The following SEC16A variants were observed in gnomAD, a reference collection of about 807,000 sequenced individuals.
The protein encoded by SEC16A is protein transport protein Sec16A.
Under a neutral mutation model 221.9 loss-of-function variants are expected in SEC16A, and 110 were observed. That is an observed-to-expected ratio of 0.50 (90% CI 0.42 to 0.58). The LOEUF (loss-of-function observed/expected upper bound fraction) is 0.58. Among genes scored for constraint, SEC16A ranks in the 20% least tolerant of loss-of-function variants. The pLI is 0.00. For synonymous variants in SEC16A, 1,393 were observed against 1,257.7 expected (o/e 1.11, Z -2.28); for missense variants, 3,165 against 3,097.8 (o/e 1.02, Z -0.52).
chr9:136,479,820 C>T (rs904828983), intron 1 of SEC16A, among the ~76,000 whole-genome samples: 1 of 151,576 alleles, frequency 6.6e-6, no homozygotes, highest in African/African-American at 2.4e-5. Context: ...CCAGCCTGGG[C>T]AACACACAGC....
chr9:136,441,634 C>A lies in SEC16A; in HGVS notation c.*121G>T. On this transcript the variant is annotated 3_prime_UTR_variant, in exon 32 of 32. Coordinates refer to ENST00000684901, the MANE Select transcript of SEC16A (RefSeq NM_014866.2). ...GTGAGGAGGGAGGCACAGTGTGCGA[C>A]CAGCTCTGAGTCACTGCTGTGTCTC... 1.3e-6 allele frequency: 1 copy of A among 778,770 alleles called. No homozygotes were observed. The highest frequency in any genetic ancestry group is 2.2e-6 in the Non-Finnish European group (1 of 449,894). The allele number at this position is 778,770 out of a possible 1,614,324, so 48.2% of individuals were successfully genotyped here. A position where few individuals can be genotyped will look rare whatever the true frequency, so the allele number is the denominator to read the frequency against.
chr9:136,474,755 A>G lies in SEC16A; in HGVS notation c.2861T>C (p.Phe954Ser), dbSNP rs1277329349. The G allele has an allele frequency of 1.2e-6, 2 of 1,613,800 alleles. No individual in the cohort carries two copies. The highest frequency in any genetic ancestry group is 1.7e-6 in the Non-Finnish European group (2 of 1,179,898). ...TGTGCTTCCAGCAGGGCTATTAGCAAATCCGGGAAGAGCACTTCCTGCCTT... is the reference window on the plus strand; with the variant it reads ...TGTGCTTCCAGCAGGGCTATTAGCAGATCCGGGAAGAGCACTTCCTGCCTT... ...DRKAGSALPGFANSPAGSTSV... is the reference protein window; with the variant it reads ...DRKAGSALPGSANSPAGSTSV... The change falls in exon 3 of 32, where the codon TTT becomes TCT. Residue 954 changes from phenylalanine (F) to serine (S), a missense_variant. By Grantham distance (155) the Phe-to-Ser change is radical. Transcript: ENST00000684901.
rs1440260866 is a variant in SEC16A, at chr9:136,459,666, G to A, written c.5191+91C>T. The A allele has an allele frequency of 8.0e-6, 11 of 1,377,086 alleles. No individual in the cohort carries two copies. The highest frequency in any genetic ancestry group is 2.5e-5 in the East Asian group (1 of 40,068). 85.3% of individuals were successfully genotyped at this position (1,377,086 alleles called of 1,614,324 possible). On this transcript the variant is annotated intron_variant, in intron 15 of 31. Coordinates refer to ENST00000684901, the MANE Select transcript of SEC16A (RefSeq NM_014866.2). This position sits in a 1 kb window ranked among gnomAD's most constrained non-coding sequence, Gnocchi z 6.1. The stretch of plus-strand genomic sequence containing the variant: ...AGACGCCAGCCGGACCGAGAAGGCC[G>A]GGTTCTGGTGATTTCTGCCAACGCC...
At chr9:136,455,126 G>A (rs935768513) in intron 20 of SEC16A, among the ~76,000 whole-genome samples, 3 of 152,200 alleles carry the variant, frequency 2.0e-5, no homozygotes, top group African/African-American at 7.2e-5. Flanking sequence ...TGCAGGCCGC[G>A]CTGGTGAGGT....
rs762038910 is a variant in SEC16A at position 136,476,693 on chromosome 9, A to C, written c.923T>G (p.Ile308Ser). 3.2e-6 allele frequency: 5 copies of C among 1,575,918 alleles called. No homozygotes were observed. The South Asian group carries it at 3.5e-5, about 11-fold the overall frequency. Residue 308 changes from isoleucine to serine, a missense_variant, in exon 3 of 32, where the codon ATT becomes AGT. By Grantham distance (142) the Ile-to-Ser change is moderately radical. Coordinates refer to ENST00000684901, the MANE Select transcript of SEC16A (RefSeq NM_014866.2). ...CTCTGGGCTTGCCCAGTGATTCACA[A>C]TTCTGGGATTTTGCCTGAATGTACT... is the stretch of plus-strand genomic sequence containing the variant. ...PESTFRQNPRIVNHWASPELR... is the reference protein window; with the variant it reads ...PESTFRQNPRSVNHWASPELR...
In SEC16A at chr9:136,459,603, C is replaced by G. The variant is rs1021038485; in HGVS notation, c.5192-48G>C. The stretch of plus-strand genomic sequence containing the variant: ...ACGGCGGGGGCTCAGCGACCGGGAG[C>G]GCTTGCAGAAGTCAAGGACGCGCAC... On this transcript the variant is annotated intron_variant, in intron 15 of 31. Transcript: ENST00000684901. The surrounding 1 kb of genome is among the most constrained non-coding windows in gnomAD (Gnocchi z 6.1). The G allele has an allele frequency of 6.8e-7, 1 of 1,472,246 alleles. No homozygotes were observed. Among genetic ancestry groups the G allele is most frequent in the Admixed American group, 2.0e-5 (1 of 49,508 alleles). 91.2% of individuals were successfully genotyped at this position (1,472,246 alleles called of 1,614,324 possible). A position where few individuals can be genotyped will look rare whatever the true frequency, so the allele number is the denominator to read the frequency against.
intron 28 of SEC16A, 81 bp from the exon 29 acceptor site, chr9:136,445,800 G>A (rs1163784517): frequency 7.2e-6 from 9 of 1,241,532 alleles, no homozygotes; most frequent in Non-Finnish European, 1.0e-5. Flanking sequence ...ATATGAAACT[G>A]TTCTGGCCTG....
rs769518274 is a variant in SEC16A, at chr9:136,463,525, T to C, written c.4585A>G (p.Ile1529Val). The C allele has an allele frequency of 5.0e-6, 8 of 1,613,776 alleles. No individual in the cohort carries two copies. The African/African-American group carries it at 8.0e-5, about 16-fold the overall frequency. ...AGAAGACTTGCAGACTCTTTGTCAA[T>C]TAAGTTTTCATTCTGCAAACATTTC... Reference protein sequence around the residue: ...AMKCLQNENLIDKESASLLWN... With the variant: ...AMKCLQNENLVDKESASLLWN... The change falls in exon 11 of 32, where the codon ATT becomes GTT. Residue 1529 changes from isoleucine to valine, a missense_variant. Coordinates refer to ENST00000684901, the MANE Select transcript of SEC16A (RefSeq NM_014866.2).
intron 5 of SEC16A, among the ~76,000 whole-genome samples, chr9:136,467,532 T>A (rs2132564085): frequency 6.6e-6 from 1 of 152,294 alleles, no homozygotes; most frequent in East Asian, 1.9e-4. Context: ...TTGCTGCTTT[T>A]GACTAGTTAA....
chr9:136,447,304 G>A lies in SEC16A; in HGVS notation c.6620C>T (p.Pro2207Leu), dbSNP rs992351347. ...LNPSGTQRSE[P>L]ALAPADFVAP... ...GACAAAGTCCGCAGGAGCGAGAGCC[G>A]GCTCGCTCCGCTGGGTCCCGCTTGG... The change falls in exon 27 of 32, where the codon CCG becomes CTG. Residue 2207 changes from proline to leucine, a missense_variant. Around this residue, in one of 3 missense-constraint regions of SEC16A, gnomAD observed 1,088 missense variants for 1,089.6 expected, o/e 1.00. Transcript: ENST00000684901. The surrounding 1 kb of genome is among the most constrained non-coding windows in gnomAD (Gnocchi z 5.5). 3.8e-6 allele frequency: 6 copies of A among 1,593,750 alleles called. No homozygotes were observed. Among genetic ancestry groups the A allele is most frequent in the Non-Finnish European group, 5.1e-6 (6 of 1,170,938 alleles).
chr9:136,459,907 C>T lies in SEC16A; in HGVS notation c.5074-33G>A, dbSNP rs751864466. ...GAGGAAAAACAAAACGAAGCCTCAT[C>T]CCCGGAAGCCAGCGCCATTTCAATT... On this transcript the variant is annotated intron_variant, in intron 14 of 31. Coordinates refer to ENST00000684901, the MANE Select transcript of SEC16A (RefSeq NM_014866.2). The surrounding 1 kb of genome is among the most constrained non-coding windows in gnomAD (Gnocchi z 6.1). 8.2e-6 allele frequency: 13 copies of T among 1,585,340 alleles called. No individual in the cohort carries two copies. In the Admixed American group the frequency reaches 1.0e-4, roughly 13 times the overall value.
upstream of SEC16A, chr9:136,484,440 C>A: frequency 2.5e-6 from 3 of 1,201,800 alleles, no homozygotes; most frequent in Non-Finnish European, 2.1e-6. Flanking sequence ...GTTGAGGAAG[C>A]GGCCAGCCAT....
In SEC16A at chr9:136,459,751, A is replaced by G. The variant is rs776625491; in HGVS notation, c.5191+6T>C. ...CACCCAATGCCCATCTCCACCCCTG[A>G]CCTACCCAGAGTGTCGCCCATGGTA... On this transcript the variant is annotated splice_donor_region_variant and intron_variant, in intron 15 of 31. Coordinates refer to ENST00000684901, the MANE Select transcript of SEC16A (RefSeq NM_014866.2). The surrounding 1 kb of genome is among the most constrained non-coding windows in gnomAD (Gnocchi z 6.1). 2.5e-6 allele frequency: 4 copies of G among 1,601,004 alleles called. No homozygotes were observed. Among genetic ancestry groups the G allele is most frequent in the Non-Finnish European group, 3.4e-6 (4 of 1,173,350 alleles).
At chr9:136,453,909 A>C (rs1261922639) in intron 21 of SEC16A, among the ~76,000 whole-genome samples, 200 bp downstream of exon 21, 1 of 152,226 alleles carries the variant, frequency 6.6e-6, no homozygotes, top group East Asian at 1.9e-4. Context: ...CCAAGTTACA[A>C]AAGGAACTGG....
rs1273321289 is a variant in SEC16A, at chr9:136,456,037, CA to C, written c.5664+15del. ...CTTGCCAGACGCCTCTGTGCCACCCCAAGCCAAGGCTGTACCTTAATCTGCC... is the reference window on the plus strand; with the variant it reads ...CTTGCCAGACGCCTCTGTGCCACCCCAGCCAAGGCTGTACCTTAATCTGCC... On this transcript the variant is annotated intron_variant, in intron 19 of 31. Transcript: ENST00000684901. 1 of 1,599,034 alleles carries C rather than the reference CA, an allele frequency of 6.3e-7. No individual in the cohort carries two copies.
upstream of SEC16A, chr9:136,483,480 C>A: frequency 1.0e-6 from 1 of 974,018 alleles, no homozygotes; most frequent in Non-Finnish European, 1.2e-6. Context: ...CGTGGCCCCG[C>A]CCCCCTCCGG....
chr9:136,456,360 A>T (rs779718731), intron 18 of SEC16A, among the ~76,000 whole-genome samples, 194 bp from the exon 19 acceptor site: 3 of 152,186 alleles, frequency 2.0e-5, no homozygotes, highest in Non-Finnish European at 4.4e-5. Flanking sequence ...GTTGCTGTAG[A>T]CGACCTCTTG....
intron 8 of SEC16A, 40 bp downstream of exon 8, chr9:136,465,922 T>G: frequency 6.3e-7 from 1 of 1,576,616 alleles, no homozygotes; most frequent in Non-Finnish European, 8.6e-7. Flanking sequence ...GCCGCCCCAG[T>G]GGGGTTAGCC....
Position 136,474,307 on chromosome 9 carries a change from C to A in SEC16A, c.3309G>T (p.Leu1103=). The change falls in exon 3 of 32, where the codon CTG becomes CTT. Residue 1103 remains leucine (L), a synonymous_variant. Coordinates refer to ENST00000684901, the MANE Select transcript of SEC16A (RefSeq NM_014866.2). ...GCTGCTGACCCGCGTCGACCAGAAC[C>A]AGACTTGCTGGTGACTGTGCTGAGT... is the stretch of plus-strand genomic sequence containing the variant. The part of the protein sequence containing the change: ...AQNSAQSPAS[L]VLVDAGQQLP... 6.2e-7 allele frequency: 1 copy of A among 1,611,052 alleles called. No individual in the cohort carries two copies. Among genetic ancestry groups the A allele is most frequent in the Non-Finnish European group, 8.5e-7 (1 of 1,178,944 alleles).
Sources: gnomAD v4.1 joint callset for allele counts (sites outside exome capture counted in the v4.1 genomes callset) on GRCh38, gnomAD v4.1.1 for gene constraint, gnomAD v4.1.1 regional missense constraint, Gnocchi (gnomAD v3.1) non-coding constraint, MANE v1.5 for transcripts, NCBI Gene and HGNC (gene_info 2026-07-23, HGNC 2026-07-21) for gene names.